UBR2: variants seen among roughly 807,000 people sequenced by gnomAD.
UBR2 encodes the protein ubiquitin protein ligase E3 component n-recognin 2, also known as E3 ubiquitin-protein ligase UBR2.
UBR2 carries 92 observed loss-of-function variants against 247.9 expected under a neutral mutation model. That is an observed-to-expected ratio of 0.37 (90% CI 0.31 to 0.44). UBR2 has a LOEUF of 0.44. UBR2 is among the 20% of genes least tolerant of loss of function. The pLI, the probability that UBR2 is intolerant of heterozygous loss-of-function variation, is 1.00. For missense variants in UBR2, 1,613 were observed against 2,112.6 expected (o/e 0.76, Z 4.64); for synonymous variants, 672 against 693.5 (o/e 0.97, Z 0.49).
In UBR2 at chr6:42,645,588, G is replaced by A; in HGVS notation, c.2407G>A (p.Asp803Asn). The part of the protein sequence containing the change: ...HSELVKSLPE[D>N]ENKETGMESV... ...TGAATTGGTAAAGTCTTTACCTGAA[G>A]ATGTAAGTACCTACATTTCTAAAAA... The change falls in exon 21 of 47, where the codon GAT (aspartate) becomes AAT (asparagine). Residue 803 changes from aspartate (D) to asparagine (N), a missense_variant and splice_region_variant. Physicochemically the swap from Asp to Asn is conservative, Grantham distance 23. Coordinates refer to ENST00000372901, the MANE Select transcript of UBR2 (RefSeq NM_001363705.2). 1.2e-6 allele frequency: 2 copies of A among 1,612,494 alleles called. No individual in the cohort carries two copies. Among genetic ancestry groups the A allele is most frequent in the Non-Finnish European group, 1.7e-6 (2 of 1,179,576 alleles).
At chr6:42,667,728 T>G (rs1582693110) in intron 34 of UBR2, among the ~76,000 whole-genome samples, 2 of 142,284 alleles carry the variant, frequency 1.4e-5, no homozygotes, top group African/African-American at 5.2e-5. Flanking sequence ...TTCTGAATGG[T>G]GCAGTAGATC....
chr6:42,686,824 G>A (rs554410040), intron 44 of UBR2, among the ~76,000 whole-genome samples: 7 of 149,860 alleles, frequency 4.7e-5, no homozygotes, highest in Non-Finnish European at 8.9e-5. Flanking sequence ...GCTGCCGGGC[G>A]GAGGGGCTCC....
At chr6:42,654,267 G>A (rs1032146940) in intron 25 of UBR2, among the ~76,000 whole-genome samples, 2 of 152,130 alleles carry the variant, frequency 1.3e-5, no homozygotes, top group East Asian at 3.8e-4. Flanking sequence ...AGCATTACAT[G>A]AACAAAAGAT....
At position 42,632,100 on chromosome 6, in the gene UBR2, A is replaced by G. The variant is rs992064564; in HGVS notation, c.1282-452A>G. Among the ~76,000 whole-genome samples the G allele has an allele frequency of 2.0e-5, 3 of 147,774 alleles. No homozygotes were observed. In the Admixed American group the frequency reaches 2.0e-4, roughly 10 times the overall value. On this transcript the variant is annotated intron_variant, in intron 11 of 46. Coordinates refer to ENST00000372901, the MANE Select transcript of UBR2 (RefSeq NM_001363705.2). ...TATATATATATATATATGTACACAC[A>G]TGCACACACACACAAACAAAAAATA...
chr6:42,611,841 A>T (rs2151934835), intron 7 of UBR2, among the ~76,000 whole-genome samples: 1 of 147,954 alleles, frequency 6.8e-6, no homozygotes, highest in African/African-American at 2.5e-5. Context: ...CAAGAGGTGG[A>T]GGTTGCGGTG....
At chr6:42,593,651 G>A (rs1180429256) in intron 3 of UBR2, among the ~76,000 whole-genome samples, 1 of 152,080 alleles carries the variant, frequency 6.6e-6, no homozygotes, top group Non-Finnish European at 1.5e-5. Context: ...GCTTTTATTA[G>A]GCAGTCTACT....
rs182197888 is a variant in UBR2, at chr6:42,629,115, C to T, written c.1282-3437C>T. 5.6e-4 allele frequency among the ~76,000 whole-genome samples: 85 copies of T among 152,154 alleles called. 1 individual carries two copies. Among genetic ancestry groups the T allele is most frequent in the Admixed American group, 4.6e-3 (71 of 15,288 alleles). The stretch of plus-strand genomic sequence containing the variant: ...CACTGCAACCTCCGCCTCCTGGGTT[C>T]AAGCAGTTCTCCAGCCTCAGCTTCC... On this transcript the variant is annotated intron_variant, in intron 11 of 46. Transcript: ENST00000372901.
intron 7 of UBR2, among the ~76,000 whole-genome samples, chr6:42,607,709 G>A (rs115899248): frequency 0.014 from 962 of 71,134 alleles, 13 homozygotes; most frequent in Middle Eastern, 0.023. Context: ...ACCACTCCCA[G>A]CTGTTTTTTT....
Position 42,661,763 on chromosome 6 carries a change from C to G in UBR2, c.3443-421C>G, listed in dbSNP as rs555704365. ...CCTCTAGGGGGCGCCCCGTTACTGC[C>G]AAAACATTTTTTATTAGCGATCATT... On this transcript the variant is annotated intron_variant, in intron 30 of 46. Coordinates refer to ENST00000372901, the MANE Select transcript of UBR2 (RefSeq NM_001363705.2). 9.2e-5 allele frequency among the ~76,000 whole-genome samples: 14 copies of G among 152,186 alleles called. No individual in the cohort carries two copies. The South Asian group carries it at 1.5e-3, about 16-fold the overall frequency.
At position 42,637,063 on chromosome 6, in the gene UBR2, G is replaced by C; in HGVS notation, c.1727G>C (p.Cys576Ser). 6.2e-7 allele frequency: 1 copy of C among 1,614,072 alleles called. No individual in the cohort carries two copies. The highest frequency in any genetic ancestry group is 2.2e-5 in the East Asian group (1 of 44,868). The change falls in exon 15 of 47, where the codon TGT (cysteine) becomes TCT (serine). Residue 576 changes from cysteine to serine, a missense_variant. By Grantham distance (112) the Cys-to-Ser change is moderately radical (BLOSUM62 -1). Transcript: ENST00000372901. ...YKKCLAVLMQ[C>S]HGGYTDGEQP... ...AAATGTCTCGCTGTACTGATGCAGTGTCATGGTGGTTATACTGATGGTGAA... is the reference window on the plus strand; with the variant it reads ...AAATGTCTCGCTGTACTGATGCAGTCTCATGGTGGTTATACTGATGGTGAA...
chr6:42,612,437 A>G lies in UBR2; in HGVS notation c.985+146A>G, dbSNP rs375152764. The G allele has an allele frequency of 4.6e-5, 48 of 1,051,770 alleles. No individual in the cohort carries two copies. In the South Asian group the frequency reaches 8.6e-4, roughly 19 times the overall value. The allele number at this position is 1,051,770 out of a possible 1,614,324, so 65.2% of individuals were successfully genotyped here. The stretch of plus-strand genomic sequence containing the variant: ...ATACCATTTCAAAATATCTTTATGC[A>G]TAGAAGAAAACCTATGTTTAACAAA... On this transcript the variant is annotated intron_variant, in intron 8 of 46. Coordinates refer to ENST00000372901, the MANE Select transcript of UBR2 (RefSeq NM_001363705.2).
At chr6:42,670,049 T>C (rs372911352) in intron 34 of UBR2, 43 bp from the exon 35 acceptor site, 590 of 1,603,700 alleles carry the variant, frequency 3.7e-4, no homozygotes, top group Non-Finnish European at 4.7e-4. Context: ...TTGATTGATA[T>C]GTGCACATTG....
chr6:42,658,556 AATTGGT>A, intron 28 of UBR2, 84 bp from the exon 29 acceptor site: 1 of 1,269,312 alleles, frequency 7.9e-7, no homozygotes, highest in Non-Finnish European at 1.1e-6. Context: ...ATAGTTTTTT[AATTGGT>A]ATTTACAGTG....
In UBR2 at chr6:42,688,220, C is replaced by A; in HGVS notation, c.4858C>A (p.Pro1620Thr). ...LINQASNFSC[P>T]KSGGDKSRAP... ...TGGGTTTTTTATCCCTTGGAGGTGCCCGAAATCAGGTGGTGATAAGAGCAG... is the reference window on the plus strand; with the variant it reads ...TGGGTTTTTTATCCCTTGGAGGTGCACGAAATCAGGTGGTGATAAGAGCAG... The change falls in exon 45 of 47, where the codon CCG becomes ACG. Residue 1620 changes from proline to threonine, a missense_variant. Transcript: ENST00000372901. The A allele has an allele frequency of 4.3e-6, 7 of 1,614,094 alleles. No individual in the cohort carries two copies. The highest frequency in any genetic ancestry group is 5.9e-6 in the Non-Finnish European group (7 of 1,180,028).
chr6:42,600,454 T>C (rs1793286589), intron 4 of UBR2, among the ~76,000 whole-genome samples: 1 of 152,048 alleles, frequency 6.6e-6, no homozygotes, highest in Non-Finnish European at 1.5e-5. Context: ...TCTTAGTCTT[T>C]CCTGACATTT....
At chr6:42,579,552 C>A (rs1484096816) in intron 2 of UBR2, among the ~76,000 whole-genome samples, 1 of 152,048 alleles carries the variant, frequency 6.6e-6, no homozygotes, top group African/African-American at 2.4e-5. Flanking sequence ...AGACAGAGTC[C>A]CATTCTGTCG....
At chr6:42,620,778 T>C (rs1418819459) in intron 11 of UBR2, among the ~76,000 whole-genome samples, 1 of 151,948 alleles carries the variant, frequency 6.6e-6, no homozygotes, top group East Asian at 1.9e-4. Flanking sequence ...TGAGCCAGAA[T>C]TCATAATTAT....
At chr6:42,583,477 C>T (rs1281752694) in intron 2 of UBR2, among the ~76,000 whole-genome samples, 1 of 150,936 alleles carries the variant, frequency 6.6e-6, no homozygotes, top group Non-Finnish European at 1.5e-5. Flanking sequence ...GAACTCCCAA[C>T]CTCATGTGAT....
At position 42,665,438 on chromosome 6, in the gene UBR2, T is replaced by A. The variant is rs781128753; in HGVS notation, c.3728T>A (p.Leu1243Gln). ...TTAAATTTTTCAGACCAACCAAATC[T>A]GACTCAGTGGATTAGAACAATATCT... ...NRLNFSDQPNLTQWIRTISQQ... is the reference protein window; with the variant it reads ...NRLNFSDQPNQTQWIRTISQQ... The change falls in exon 33 of 47, where the codon CTG becomes CAG. Residue 1243 changes from leucine (L) to glutamine (Q), a missense_variant. By Grantham distance (113) the Leu-to-Gln change is moderately radical. Transcript: ENST00000372901. 4.3e-6 allele frequency: 7 copies of A among 1,612,986 alleles called. No homozygotes were observed. In the South Asian group the frequency reaches 6.6e-5, roughly 15 times the overall value.
Sources: gnomAD v4.1 joint callset for allele counts (sites outside exome capture counted in the v4.1 genomes callset) on GRCh38, gnomAD v4.1.1 for gene constraint, MANE v1.5 for transcripts, NCBI Gene and HGNC (gene_info 2026-07-23, HGNC 2026-07-21) for gene names.